Variants in SPTBN1 observed in about 807,000 individuals in gnomAD.
The protein encoded by SPTBN1 is spectrin beta chain, non-erythrocytic 1.
In SPTBN1, 32 loss-of-function variants were observed where a neutral mutation model predicts 266.4. The observed-to-expected ratio is 0.12, with a 90% CI of 0.09 to 0.16. The LOEUF (loss-of-function observed/expected upper bound fraction) is 0.16, where lower values mean the gene tolerates loss of function less well. Among genes scored for constraint, SPTBN1 ranks in the 10% least tolerant of loss-of-function variants. The probability of loss-of-function intolerance (pLI) is 1.00; values close to 1 mark genes in which losing one functional copy is unlikely to be tolerated. For missense variants in SPTBN1, 2,296 were observed against 3,067.1 expected (o/e 0.75, Z 5.94); for synonymous variants, 1,336 against 1,162.2 (o/e 1.15, Z -3.04).
chr2:54,497,983 C>T (rs1669056650), intron 1 of SPTBN1, among the ~76,000 whole-genome samples: 1 of 152,160 alleles, frequency 6.6e-6, no homozygotes, highest in African/African-American at 2.4e-5. Flanking sequence ...ACAAGCCCTC[C>T]AGTTGGCATT....
intron 1 of SPTBN1, among the ~76,000 whole-genome samples, chr2:54,475,028 A>G (rs565142843): frequency 9.1e-4 from 139 of 152,234 alleles, no homozygotes; most frequent in African/African-American, 2.9e-3. Context: ...ATAAAAATAC[A>G]AAATATAAAA....
At chr2:54,545,045 T>G (rs180809546) in intron 2 of SPTBN1, among the ~76,000 whole-genome samples, 4 of 152,324 alleles carry the variant, frequency 2.6e-5, no homozygotes, top group African/African-American at 9.6e-5. Context: ...TCTGTCCTTG[T>G]GATAGTTTGC....
chr2:54,569,706 A>C (rs1673922303), intron 2 of SPTBN1, among the ~76,000 whole-genome samples: 1 of 152,198 alleles, frequency 6.6e-6, no homozygotes, highest in Non-Finnish European at 1.5e-5. Context: ...AAGGTCATAC[A>C]AATTCTGTGT....
intron 1 of SPTBN1, among the ~76,000 whole-genome samples, chr2:54,485,050 A>G (rs1442941997): frequency 3.3e-5 from 5 of 152,216 alleles, no homozygotes; most frequent in East Asian, 1.9e-4. Flanking sequence ...CCATGCGCCT[A>G]TGAACTTGAA....
In SPTBN1 at chr2:54,558,156, G is replaced by T. The variant is rs1673003793; in HGVS notation, c.148+31590G>T. 1.0e-5 allele frequency: 10 copies of T among 985,416 alleles called. No individual in the cohort carries two copies. The highest frequency in any genetic ancestry group is 1.2e-5 in the Non-Finnish European group (10 of 829,914). 61.0% of individuals were successfully genotyped at this position (985,416 alleles called of 1,614,324 possible). A position where few individuals can be genotyped will look rare whatever the true frequency, so the allele number is the denominator to read the frequency against. On this transcript the variant is annotated intron_variant, in intron 2 of 35. Coordinates refer to ENST00000356805, the MANE Select transcript of SPTBN1 (RefSeq NM_003128.3). The surrounding 1 kb of genome is among the most constrained non-coding windows in gnomAD (Gnocchi z 4.6). ...CTCTGTTTGGGAAGGCACTACCGCG[G>T]CGAGTCCAGGGCCCGGCCGGGGGTC...
intron 4 of SPTBN1, among the ~76,000 whole-genome samples, chr2:54,615,258 G>A (rs1398168902): frequency 6.6e-6 from 1 of 152,000 alleles, no homozygotes; most frequent in African/African-American, 2.4e-5. Flanking sequence ...AAGAATTCTG[G>A]GAAGTGTTTG....
intron 1 of SPTBN1, among the ~76,000 whole-genome samples, chr2:54,475,279 T>C (rs557460880): frequency 6.6e-6 from 1 of 152,346 alleles, no homozygotes; most frequent in East Asian, 1.9e-4. Flanking sequence ...AGCTTATTCT[T>C]TAAAAGCTTA....
intron 2 of SPTBN1, among the ~76,000 whole-genome samples, chr2:54,596,176 A>C (rs1372568990): frequency 1.3e-5 from 2 of 152,268 alleles, no homozygotes; most frequent in African/African-American, 4.8e-5. Flanking sequence ...TTTCATCGTC[A>C]GTGCCAAGGG....
Position 54,639,721 on chromosome 2 carries a change from C to G in SPTBN1, c.3858+1918C>G, listed in dbSNP as rs945143835. Among the ~76,000 whole-genome samples the G allele has an allele frequency of 2.0e-5, 3 of 152,258 alleles. 1 individual carries two copies. Among genetic ancestry groups the G allele is most frequent in the East Asian group, 3.8e-4 (2 of 5,204 alleles). On this transcript the variant is annotated intron_variant, in intron 18 of 35. Coordinates refer to ENST00000356805, the MANE Select transcript of SPTBN1 (RefSeq NM_003128.3). ...CTTTAGATCTTTGTTTCCACTTGCT[C>G]TAAATGAGCATCCCTGGTTATGAGG... is the stretch of plus-strand genomic sequence containing the variant.
intron 2 of SPTBN1, among the ~76,000 whole-genome samples, chr2:54,586,471 T>C (rs1390535432): frequency 6.6e-6 from 1 of 152,236 alleles, no homozygotes; most frequent in Non-Finnish European, 1.5e-5. Context: ...TAACTTGGCA[T>C]TGCTGTGGCT....
At chr2:54,528,248 T>C (rs1670948211) in intron 2 of SPTBN1, 1 of 152,656 alleles carries the variant, frequency 6.6e-6, no homozygotes, top group Non-Finnish European at 1.5e-5. Context: ...CCAGTTACCT[T>C]TGATCTTGAG....
rs746746390 is a variant in SPTBN1, at chr2:54,628,970, C to T, written c.1836C>T (p.Arg612=). The T allele has an allele frequency of 1.7e-5, 28 of 1,612,348 alleles. No individual in the cohort carries two copies. The East Asian group carries it at 3.3e-4, about 19-fold the overall frequency. Residue 612 remains arginine, a synonymous_variant, in exon 14 of 36, where the codon CGC becomes CGT. Transcript: ENST00000356805. This position sits in a 1 kb window ranked among gnomAD's most constrained non-coding sequence, Gnocchi z 4.3. ...KPCDPQVIRD[R]VAHMEFCYQE... ...GTGACCCCCAGGTGATCCGAGACCG[C>T]GTGGCCCACATGGAGTTCTGTTATC...
chr2:54,529,515 C>T lies in SPTBN1; in HGVS notation c.148+2949C>T, dbSNP rs3796021. 2.1e-3 allele frequency: 1,507 copies of T among 707,190 alleles called. 26 individuals are homozygous for T. The East Asian group carries it at 0.034, about 16-fold the overall frequency. 43.8% of individuals were successfully genotyped at this position (707,190 alleles called of 1,614,324 possible). A position where few individuals can be genotyped will look rare whatever the true frequency, so the allele number is the denominator to read the frequency against. The stretch of plus-strand genomic sequence containing the variant: ...CCCAAGACACTGAGACTCTGGAGGC[C>T]GCCCAGATATCCTCGGAAGACCACC... On this transcript the variant is annotated intron_variant, in intron 2 of 35. Coordinates refer to ENST00000356805, the MANE Select transcript of SPTBN1 (RefSeq NM_003128.3).
chr2:54,665,324 G>A (rs1046405050), intron 33 of SPTBN1, among the ~76,000 whole-genome samples: 43 of 152,332 alleles, frequency 2.8e-4, no homozygotes, highest in Admixed American at 1.6e-3. Context: ...GGACAACATA[G>A]GGATTTATAT....
intron 15 of SPTBN1, 146 bp from the exon 16 acceptor site, chr2:54,630,705 TTGAG>T: frequency 1.1e-6 from 1 of 918,666 alleles, no homozygotes; most frequent in East Asian, 2.8e-5. Context: ...TGTTCACAGT[TTGAG>T]TGAGATGATT....
chr2:54,629,426 C>T lies in SPTBN1; in HGVS notation c.2292C>T (p.Leu764=). The T allele has an allele frequency of 2.5e-6, 4 of 1,614,174 alleles. No individual in the cohort carries two copies. Among genetic ancestry groups the T allele is most frequent in the African/African-American group, 1.3e-5 (1 of 75,064 alleles). Reference sequence around the variant, plus strand: ...TTGATGCCTGGATGCTGGACATCCTCAAGATTGTCTCCAGCAGCGACGTGG... The same window carrying T: ...TTGATGCCTGGATGCTGGACATCCTTAAGATTGTCTCCAGCAGCGACGTGG... ...DDIDAWMLDI[L]KIVSSSDVGH... Residue 764 remains leucine (L), a synonymous_variant, in exon 14 of 36, where the codon CTC becomes CTT. Coordinates refer to ENST00000356805, the MANE Select transcript of SPTBN1 (RefSeq NM_003128.3).
Position 54,599,992 on chromosome 2 carries a change from A to G in SPTBN1, c.300+749A>G, listed in dbSNP as rs546310222. On this transcript the variant is annotated intron_variant, in intron 3 of 35. Coordinates refer to ENST00000356805, the MANE Select transcript of SPTBN1 (RefSeq NM_003128.3). The stretch of plus-strand genomic sequence containing the variant: ...ATCCTCCCAGAGCACATGTAGTGCC[A>G]TAGGTGGAAGTGGTGCCGAGCCAGA... 2.6e-3 allele frequency among the ~76,000 whole-genome samples: 398 copies of G among 152,346 alleles called. 2 individuals are homozygous for G. The highest frequency in any genetic ancestry group is 6.8e-3 in the Admixed American group (104 of 15,306).
chr2:54,483,750 A>G (rs1668211521), intron 1 of SPTBN1, among the ~76,000 whole-genome samples: 1 of 152,224 alleles, frequency 6.6e-6, no homozygotes, highest in African/African-American at 2.4e-5. Context: ...GTGGCTTCAC[A>G]GGGCCTGTGA....
intron 2 of SPTBN1, among the ~76,000 whole-genome samples, chr2:54,544,719 T>C (rs1357723779): frequency 6.6e-6 from 1 of 152,218 alleles, no homozygotes. Flanking sequence ...GATAGGATTT[T>C]TGGTAGGCTA....
Sources: gnomAD v4.1 joint callset for allele counts (sites outside exome capture counted in the v4.1 genomes callset) on GRCh38, gnomAD v4.1.1 for gene constraint, Gnocchi (gnomAD v3.1) non-coding constraint, MANE v1.5 for transcripts, NCBI Gene and HGNC (gene_info 2026-07-23, HGNC 2026-07-21) for gene names.